TAB1: variants seen among roughly 807,000 people sequenced by gnomAD.
The protein encoded by TAB1 is TGF-beta-activated kinase 1 and MAP3K7-binding protein 1.
Under a neutral mutation model 54.5 loss-of-function variants are expected in TAB1, and 30 were observed. The ratio of observed to expected loss-of-function variants is 0.55; its 90% confidence interval spans 0.41 to 0.75. TAB1 has a LOEUF of 0.75. Among genes scored for constraint, TAB1 ranks in the 30% least tolerant of loss-of-function variants. The pLI is 0.00. For synonymous variants in TAB1, 289 were observed against 286.9 expected (o/e 1.01, Z -0.07); for missense variants, 609 against 683.2 (o/e 0.89, Z 1.21).
rs1023477773 is a variant in TAB1, at chr22:39,399,833, A to G, written c.31A>G (p.Ser11Gly). 5 of 1,597,168 alleles carry G rather than the reference A, an allele frequency of 3.1e-6. No homozygotes were observed. The highest frequency in any genetic ancestry group is 2.7e-5 in the African/African-American group (2 of 74,708). The change falls in exon 1 of 11, where the codon AGT (serine) becomes GGT (glycine). Residue 11 changes from serine to glycine, a missense_variant and splice_region_variant. Physicochemically the swap from Ser to Gly is moderately conservative, Grantham distance 56. Transcript: ENST00000216160. MAAQRRSLLQSEQQPSWTDDL... is the reference protein window; with the variant it reads MAAQRRSLLQGEQQPSWTDDL... ...GGCGCAGAGGAGGAGCTTGCTGCAGAGTGTGAGGAACAGGCCCGCTCTCTG... is the reference window on the plus strand; with the variant it reads ...GGCGCAGAGGAGGAGCTTGCTGCAGGGTGTGAGGAACAGGCCCGCTCTCTG...
At chr22:39,433,582 G>A (rs1210653970), downstream of TAB1, 68 of 985,284 alleles carry the variant, frequency 6.9e-5, no homozygotes, top group Non-Finnish European at 7.7e-5. Flanking sequence ...CGCAGCACCC[G>A]TGAGCCATCC....
Position 39,431,512 on chromosome 22 carries a change from C to T in TAB1, c.*1290C>T, listed in dbSNP as rs1021396149. On this transcript the variant is annotated 3_prime_UTR_variant, in exon 11 of 11. Transcript: ENST00000216160. Reference sequence around the variant, plus strand: ...CCAGACCGGCCCACCAGGGACTAGCCGCTGTCGCACAGCCTCTGGGGTGCT... The same window carrying T: ...CCAGACCGGCCCACCAGGGACTAGCTGCTGTCGCACAGCCTCTGGGGTGCT... The T allele has an allele frequency of 9.1e-5, 90 of 985,520 alleles. No individual in the cohort carries two copies. The highest frequency in any genetic ancestry group is 6.8e-4 in the Admixed American group (11 of 16,278). 61.0% of individuals were successfully genotyped at this position (985,520 alleles called of 1,614,324 possible). A position where few individuals can be genotyped will look rare whatever the true frequency, so the allele number is the denominator to read the frequency against.
chr22:39,419,750 G>A, intron 7 of TAB1, 120 bp downstream of exon 7: 1 of 581,488 alleles, frequency 1.7e-6, no homozygotes, highest in Non-Finnish European at 3.0e-6. Context: ...TCATGCCACT[G>A]CACTCCAGCC....
downstream of TAB1, chr22:39,433,424 G>T: frequency 1.0e-6 from 1 of 977,352 alleles, no homozygotes; most frequent in Non-Finnish European, 1.2e-6. Context: ...GCACTCCAGA[G>T]CCTGGGCGAC....
intron 10 of TAB1, among the ~76,000 whole-genome samples, chr22:39,429,648 T>A (rs1164682782): frequency 6.6e-6 from 1 of 152,106 alleles, no homozygotes; most frequent in Admixed American, 6.5e-5. Flanking sequence ...TGGGTAAATT[T>A]TTTTTGTATT....
intron 1 of TAB1, among the ~76,000 whole-genome samples, chr22:39,407,245 G>A (rs1043893400): frequency 1.1e-4 from 16 of 152,116 alleles, no homozygotes; most frequent in African/African-American, 3.9e-4. Context: ...CTGTTGATTT[G>A]CATACTTTGA....
intron 3 of TAB1, among the ~76,000 whole-genome samples, chr22:39,416,102 T>C (rs1821330473): frequency 6.6e-6 from 1 of 152,182 alleles, no homozygotes; most frequent in South Asian, 2.1e-4. Context: ...CTGCTTGCGC[T>C]GTTGGCAGTT....
chr22:39,423,971 C>T (rs935033287), intron 8 of TAB1, among the ~76,000 whole-genome samples: 1 of 151,166 alleles, frequency 6.6e-6, no homozygotes, highest in Non-Finnish European at 1.5e-5. Context: ...TACATTGTAA[C>T]TAATGTATAG....
intron 1 of TAB1, among the ~76,000 whole-genome samples, chr22:39,411,365 A>G (rs1926598144): frequency 6.6e-6 from 1 of 152,246 alleles, no homozygotes; most frequent in Admixed American, 6.5e-5. Flanking sequence ...GTGAAATGCT[A>G]AGTTACAAAT....
Position 39,420,390 on chromosome 22 carries a change from GT to G in TAB1, c.776+761del, listed in dbSNP as rs554357671. 2.6e-4 allele frequency among the ~76,000 whole-genome samples: 40 copies of G among 152,344 alleles called. No homozygotes were observed. The East Asian group carries it at 6.6e-3, about 25-fold the overall frequency. ...TCCTTAACCGTCAGGTAACCTGTAT[GT>G]GAAGTGTTGGTTGGGGAGATAGGCG... On this transcript the variant is annotated intron_variant, in intron 7 of 10. Coordinates refer to ENST00000216160, the MANE Select transcript of TAB1 (RefSeq NM_006116.3).
chr22:39,425,873 CTTT>C (rs756738890), intron 8 of TAB1, among the ~76,000 whole-genome samples: 9 of 134,560 alleles, frequency 6.7e-5, no homozygotes, highest in African/African-American at 8.2e-5. Flanking sequence ...ACGATATTTT[CTTT>C]TTTTTTTTTT....
intron 8 of TAB1, 100 bp downstream of exon 8, chr22:39,422,071 C>A: frequency 2.7e-6 from 3 of 1,113,542 alleles, no homozygotes; most frequent in South Asian, 1.8e-5. Context: ...CGGAGGCCGT[C>A]ACCAGACATC....
At chr22:39,423,954 T>TA (rs1463895649) in intron 8 of TAB1, among the ~76,000 whole-genome samples, 2 of 150,586 alleles carry the variant, frequency 1.3e-5, no homozygotes, top group Non-Finnish European at 1.5e-5. Context: ...TATAGTGTTT[T>TA]ATAGTGTACA....
intron 1 of TAB1, among the ~76,000 whole-genome samples, chr22:39,413,215 A>G (rs1328407427): frequency 6.6e-6 from 1 of 151,950 alleles, no homozygotes; most frequent in Non-Finnish European, 1.5e-5. Flanking sequence ...CGCCCGGCCC[A>G]TATCCTGCCA....
At chr22:39,436,724 T>C, downstream of TAB1, 1 of 627,262 alleles carries the variant, frequency 1.6e-6, no homozygotes, top group Non-Finnish European at 2.8e-6. Flanking sequence ...CATGCATCTG[T>C]GTCCACTGAG....
intron 1 of TAB1, among the ~76,000 whole-genome samples, chr22:39,401,343 T>G (rs1926136468): frequency 6.6e-6 from 1 of 152,220 alleles, no homozygotes; most frequent in Admixed American, 6.5e-5. Context: ...ACTCCTTTAT[T>G]TTATTACTGC....
chr22:39,417,025 AGGTGAGGGACCTCGCTGCTCT>A, intron 4 of TAB1, 148 bp downstream of exon 4: 1 of 736,342 alleles, frequency 1.4e-6, no homozygotes, highest in Non-Finnish European at 2.3e-6. Context: ...GTGTGGCCAC[AGGTGAGGGACCTCGCTGCTCT>A]GCTGTGGGCA....
chr22:39,418,734 A>G lies in TAB1; in HGVS notation c.553A>G (p.Thr185Ala). 5 of 1,612,458 alleles carry G rather than the reference A, an allele frequency of 3.1e-6. No homozygotes were observed. Among genetic ancestry groups the G allele is most frequent in the Non-Finnish European group, 3.4e-6 (4 of 1,178,532 alleles). ...NNKLYVANVG[T>A]NRALLCKSTV... Reference sequence around the variant, plus strand: ...TAGCTGTTCACATTCTGCCACAGGTACAAACCGTGCACTTTTATGCAAATC... The same window carrying G: ...TAGCTGTTCACATTCTGCCACAGGTGCAAACCGTGCACTTTTATGCAAATC... Residue 185 changes from threonine (T) to alanine (A), a missense_variant and splice_region_variant, in exon 6 of 11, where the codon ACA becomes GCA. Transcript: ENST00000216160.
chr22:39,419,416 G>A, intron 6 of TAB1, 103 bp from the exon 7 acceptor site: 1 of 930,386 alleles, frequency 1.1e-6, no homozygotes. Context: ...TTCCTATTCA[G>A]TGGGTCCTTA....
Sources: gnomAD v4.1 joint callset for allele counts (sites outside exome capture counted in the v4.1 genomes callset) on GRCh38, gnomAD v4.1.1 for gene constraint, MANE v1.5 for transcripts, NCBI Gene and HGNC (gene_info 2026-07-23, HGNC 2026-07-21) for gene names.